The following PCDH11X variants were observed in gnomAD, a reference collection of about 807,000 sequenced individuals.
PCDH11X encodes the protein protocadherin-11 X-linked.
PCDH11X carries 18 observed loss-of-function variants against 53.3 expected under a neutral mutation model. The ratio of observed to expected loss-of-function variants is 0.34; its 90% CI spans 0.23 to 0.50. The LOEUF (loss-of-function observed/expected upper bound fraction) is 0.50. Ranked by LOEUF, PCDH11X falls within the 20% of genes least tolerant of loss-of-function variation. PCDH11X has a pLI of 0.98. For synonymous variants in PCDH11X, 279 were observed against 393.3 expected, an observed-to-expected ratio of 0.71 and a Z score of 3.44; for missense variants, 570 against 1,032.4, an observed-to-expected ratio of 0.55 and a Z score of 6.14.
At chrX:92,536,097 T>C (rs1368358886) in intron 10 of PCDH11X, among the ~76,000 whole-genome samples, 2 of 108,794 alleles carry the variant, frequency 1.8e-5, no homozygotes, top group Non-Finnish European at 3.8e-5. Flanking sequence ...TATTCTTTTT[T>C]CTATTTTTTT....
chrX:92,542,030 C>T (rs1296531530), intron 10 of PCDH11X, among the ~76,000 whole-genome samples: 1 of 111,621 alleles, frequency 9.0e-6, no homozygotes, highest in Non-Finnish European at 1.9e-5. Context: ...TCATACAATT[C>T]TCTGTATTAC....
intron 6 of PCDH11X, chrX:91,982,580 A>G (rs1394713918): frequency 6.5e-5 from 31 of 477,834 alleles, no homozygotes; most frequent in South Asian, 2.2e-4. Flanking sequence ...TACAACATTA[A>G]AAGATACACT....
At chrX:91,821,379 G>A (rs1346474128) in intron 4 of PCDH11X, among the ~76,000 whole-genome samples, 2 of 108,852 alleles carry the variant, frequency 1.8e-5, no homozygotes, top group Non-Finnish European at 3.8e-5. Context: ...TCCTTGAAGA[G>A]GTCCTTCACA....
chrX:92,016,605 A>G (rs1268679487), intron 6 of PCDH11X, among the ~76,000 whole-genome samples: 1 of 106,948 alleles, frequency 9.4e-6, no homozygotes, highest in Non-Finnish European at 1.9e-5. Context: ...TTTTTCCTGT[A>G]GCTTTCTCGC....
chrX:91,964,260 T>G (rs1158785358), intron 6 of PCDH11X, among the ~76,000 whole-genome samples: 2 of 108,095 alleles, frequency 1.9e-5, no homozygotes, highest in Non-Finnish European at 3.8e-5. Flanking sequence ...TCAGTGCAAT[T>G]CCTATCAAAA....
intron 8 of PCDH11X, among the ~76,000 whole-genome samples, chrX:92,366,191 G>A (rs34460631): frequency 9.0e-6 from 1 of 111,521 alleles, no homozygotes; most frequent in South Asian, 3.7e-4. Context: ...TCAGGGATTC[G>A]ACTTCTTCCT....
intron 1 of PCDH11X, among the ~76,000 whole-genome samples, chrX:91,787,901 T>C (rs1279115795): frequency 1.8e-5 from 2 of 110,991 alleles, no homozygotes; most frequent in Non-Finnish European, 3.8e-5. Context: ...ATATTCGTTG[T>C]CACTCTACAT....
intron 6 of PCDH11X, among the ~76,000 whole-genome samples, chrX:92,118,876 G>T (rs1458256993): frequency 9.6e-6 from 1 of 104,198 alleles, no homozygotes; most frequent in Non-Finnish European, 2.0e-5. Context: ...CGAGTAGCTG[G>T]GACTACAGGC....
intron 6 of PCDH11X, among the ~76,000 whole-genome samples, chrX:92,090,606 G>A (rs1170392537): frequency 9.0e-6 from 1 of 110,861 alleles, no homozygotes; most frequent in Non-Finnish European, 1.9e-5. Context: ...GAAAGTGGAG[G>A]CTAGGCCTTC....
chrX:92,252,956 C>G (rs1218334000), intron 7 of PCDH11X, among the ~76,000 whole-genome samples: 4 of 110,602 alleles, frequency 3.6e-5, no homozygotes, highest in Non-Finnish European at 7.6e-5. Context: ...CAAGGATACA[C>G]ACTCTGTAAC....
chrX:92,007,249 G>C (rs2062614118), intron 6 of PCDH11X, among the ~76,000 whole-genome samples: 1 of 111,431 alleles, frequency 9.0e-6, no homozygotes, highest in Non-Finnish European at 1.9e-5. Flanking sequence ...TGGTAGTCAG[G>C]GACTAGCATC....
Position 92,426,525 on chromosome X carries a change from C to T in PCDH11X, c.3343+38592C>T, listed in dbSNP as rs982600973. Among the ~76,000 whole-genome samples the T allele has an allele frequency of 7.4e-5, 8 of 108,558 alleles. No homozygotes were observed. In the Admixed American group the frequency reaches 7.9e-4, roughly 11 times the overall value. 94.3% of individuals were successfully genotyped at this position (108,558 alleles called of 115,157 possible). A position where few individuals can be genotyped will look rare whatever the true frequency, so the allele number is the denominator to read the frequency against. On this transcript the variant is annotated intron_variant, in intron 9 of 10. Transcript: ENST00000682573. ...TTTCAAATTAAGGAAAAATTTGCATCGAACTATGTTTTCATTTAGATGACA... is the reference window on the plus strand; with the variant it reads ...TTTCAAATTAAGGAAAAATTTGCATTGAACTATGTTTTCATTTAGATGACA...
intron 6 of PCDH11X, among the ~76,000 whole-genome samples, chrX:92,000,679 C>T (rs2062494939): frequency 9.1e-6 from 1 of 109,313 alleles, no homozygotes. Flanking sequence ...TTTATTCGTT[C>T]TAACTATATT....
Position 92,327,247 on chromosome X carries a change from C to A in PCDH11X, c.3145-60488C>A, listed in dbSNP as rs1363379580. 7.6e-5 allele frequency among the ~76,000 whole-genome samples: 8 copies of A among 105,823 alleles called. No homozygotes were observed. In the Admixed American group the frequency reaches 8.2e-4, roughly 11 times the overall value. 91.9% of individuals were successfully genotyped at this position (105,823 alleles called of 115,157 possible). A position where few individuals can be genotyped will look rare whatever the true frequency, so the allele number is the denominator to read the frequency against. ...TTTAAGATTTTGCAGTGCTTCATAG[C>A]CAAGTCTTGAGATACAAGATTGAAT... On this transcript the variant is annotated intron_variant, in intron 8 of 10. Coordinates refer to ENST00000682573, the MANE Select transcript of PCDH11X (RefSeq NM_032968.5).
intron 7 of PCDH11X, among the ~76,000 whole-genome samples, chrX:92,237,199 A>T (rs1396665378): frequency 9.0e-6 from 1 of 110,919 alleles, no homozygotes; most frequent in African/African-American, 3.3e-5. Context: ...ATAGCAAAAT[A>T]TCCTTTACTA....
At chrX:92,277,683 A>T (rs2068135251) in intron 8 of PCDH11X, among the ~76,000 whole-genome samples, 1 of 108,583 alleles carries the variant, frequency 9.2e-6, no homozygotes, top group Non-Finnish European at 1.9e-5. Flanking sequence ...CATGGAAATA[A>T]GGGGTCAGGG....
chrX:92,023,535 CA>C (rs35562536), intron 6 of PCDH11X, among the ~76,000 whole-genome samples: 4 of 109,634 alleles, frequency 3.6e-5, no homozygotes, highest in Non-Finnish European at 5.7e-5. Context: ...GCCTACCAAC[CA>C]AAAAAAAGCC....
chrX:92,384,031 G>T (rs2070956115), intron 8 of PCDH11X, among the ~76,000 whole-genome samples: 1 of 112,228 alleles, frequency 8.9e-6, no homozygotes, highest in African/African-American at 3.2e-5. Flanking sequence ...ACTGGTGTGA[G>T]ATGATACCTC....
chrX:92,421,192 A>G lies in PCDH11X; in HGVS notation c.3343+33259A>G, dbSNP rs746060378. On this transcript the variant is annotated intron_variant, in intron 9 of 10. Transcript: ENST00000682573. ...ATATTGCATGCCATGGGGCCTTGGT[A>G]TACAGATTATTTTGTCACCCAAGTA... Among the ~76,000 whole-genome samples, 6 of 111,720 alleles carry G rather than the reference A, an allele frequency of 5.4e-5. No individual in the cohort carries two copies. In the South Asian group the frequency reaches 2.2e-3, roughly 42 times the overall value.
Sources: allele counts gnomAD v4.1 joint callset (sites outside exome capture counted in the v4.1 genomes callset), GRCh38; gene constraint gnomAD v4.1.1; transcripts MANE v1.5; gene names NCBI Gene and HGNC (gene_info 2026-07-23, HGNC 2026-07-21).